PAK5: variants seen among roughly 807,000 people sequenced by gnomAD.
PAK5 encodes the protein p21 (RAC1) activated kinase 5, also known as serine/threonine-protein kinase PAK 5.
In PAK5, 16 loss-of-function variants were observed where a neutral mutation model predicts 65.9. The observed-to-expected ratio is 0.24, with a 90% CI of 0.16 to 0.37. The LOEUF is 0.37. Among genes scored for constraint, PAK5 ranks in the 10% least tolerant of loss-of-function variants. PAK5 has a pLI of 1.00. For synonymous variants in PAK5, 371 were observed against 354.9 expected (o/e 1.05, Z -0.51); for missense variants, 785 against 903.9 (o/e 0.87, Z 1.69).
At chr20:9,821,062 G>A (rs537323386) in intron 1 of PAK5, among the ~76,000 whole-genome samples, 1 of 152,118 alleles carries the variant, frequency 6.6e-6, no homozygotes, top group Non-Finnish European at 1.5e-5. Flanking sequence ...GTGCCCTCTG[G>A]TGTGTAAAAC....
At chr20:9,642,325 C>T (rs1250165948) in intron 3 of PAK5, among the ~76,000 whole-genome samples, 1 of 152,158 alleles carries the variant, frequency 6.6e-6, no homozygotes, top group Non-Finnish European at 1.5e-5. Context: ...CTGTTGTTTC[C>T]TGACTTTTTA....
rs113103262 is a variant in PAK5, at chr20:9,740,223, C to A, written c.-161-28788G>T. On this transcript the variant is annotated intron_variant, in intron 1 of 9. Transcript: ENST00000353224. ...GACTGCTGGCAGAGAACAAGGTGCTCGCACAACCGAAGGATTAGAAGGGAG... is the reference window on the plus strand; with the variant it reads ...GACTGCTGGCAGAGAACAAGGTGCTAGCACAACCGAAGGATTAGAAGGGAG... Among the ~76,000 whole-genome samples, 843 of 152,164 alleles carry A rather than the reference C, an allele frequency of 5.5e-3. 8 individuals are homozygous for A. The highest frequency in any genetic ancestry group is 0.018 in the African/African-American group (762 of 41,534).
At chr20:9,590,703 T>C (rs922951419) in intron 3 of PAK5, among the ~76,000 whole-genome samples, 1 of 151,818 alleles carries the variant, frequency 6.6e-6, no homozygotes, top group Non-Finnish European at 1.5e-5. Flanking sequence ...ACCACAGGCA[T>C]CACTTCGTTT....
intron 2 of PAK5, among the ~76,000 whole-genome samples, chr20:9,650,760 A>G (rs937655657): frequency 4.6e-5 from 7 of 152,080 alleles, no homozygotes; most frequent in African/African-American, 1.7e-4. Context: ...TGTGGGGCTT[A>G]TGGTCCCCAC....
intron 1 of PAK5, among the ~76,000 whole-genome samples, chr20:9,758,067 C>T (rs544575519): frequency 5.7e-4 from 87 of 152,312 alleles, no homozygotes; most frequent in African/African-American, 1.9e-3. Flanking sequence ...GGAGCTACTT[C>T]ATAGCCTTAT....
intron 2 of PAK5, among the ~76,000 whole-genome samples, chr20:9,690,730 A>ATTTC (rs1194218960): frequency 1.1e-3 from 155 of 138,292 alleles, no homozygotes; most frequent in South Asian, 1.9e-3. Context: ...AGTCCTCAGC[A>ATTTC]TTTCTTTCTT....
chr20:9,750,522 T>C (rs1480315054), intron 1 of PAK5, among the ~76,000 whole-genome samples: 1 of 152,200 alleles, frequency 6.6e-6, no homozygotes, highest in Non-Finnish European at 1.5e-5. Flanking sequence ...CATTATATGG[T>C]ACTCAAAATG....
Position 9,562,942 on chromosome 20 carries a change from A to G in PAK5, c.1565T>C (p.Val522Ala). Residue 522 changes from valine (V) to alanine (A), a missense_variant, in exon 6 of 10, where the codon GTC (valine) becomes GCC (alanine). Physicochemically the swap from Val to Ala is moderately conservative, Grantham distance 64 (BLOSUM62 0). This residue lies in a region of PAK5 where 182 missense variants were observed against 273.0 expected (regional missense o/e 0.67). Coordinates refer to ENST00000353224, the MANE Select transcript of PAK5 (RefSeq NM_177990.4). ...GGCACCACCTTCTAGAAACTCCATG[A>G]CCACCCAGAGCTCATCGCCGACAAG... The part of the protein sequence containing the change: ...SYLVGDELWV[V>A]MEFLEGGALT... 1 of 1,613,776 alleles carries G rather than the reference A, an allele frequency of 6.2e-7. No homozygotes were observed. The highest frequency in any genetic ancestry group is 8.5e-7 in the Non-Finnish European group (1 of 1,179,700).
At chr20:9,724,175 C>T (rs897410793) in intron 1 of PAK5, among the ~76,000 whole-genome samples, 20 of 152,182 alleles carry the variant, frequency 1.3e-4, no homozygotes, top group African/African-American at 4.8e-4. Context: ...CCCAGCTTGG[C>T]TGATCCAAAA....
intron 2 of PAK5, among the ~76,000 whole-genome samples, chr20:9,710,194 C>G (rs1028463340): frequency 2.0e-4 from 30 of 152,204 alleles, no homozygotes; most frequent in African/African-American, 6.7e-4. Flanking sequence ...CAACAATGTT[C>G]TTAGAAGTCA....
intron 2 of PAK5, among the ~76,000 whole-genome samples, chr20:9,691,251 A>C (rs964920658): frequency 2.6e-5 from 4 of 152,078 alleles, no homozygotes; most frequent in African/African-American, 9.7e-5. Flanking sequence ...CCAGGATAAA[A>C]CCCATAGAGT....
chr20:9,763,900 G>T (rs147830665), intron 1 of PAK5, among the ~76,000 whole-genome samples: 2 of 151,964 alleles, frequency 1.3e-5, no homozygotes, highest in Admixed American at 6.6e-5. Flanking sequence ...AAATATATGC[G>T]TATCCTTTTT....
chr20:9,688,039 T>C (rs1191437127), intron 2 of PAK5, among the ~76,000 whole-genome samples: 1 of 151,834 alleles, frequency 6.6e-6, no homozygotes, highest in Non-Finnish European at 1.5e-5. Flanking sequence ...GGGCAGGGAC[T>C]GGGATAAGGA....
chr20:9,620,643 C>A (rs981884126), intron 3 of PAK5, among the ~76,000 whole-genome samples: 2 of 152,218 alleles, frequency 1.3e-5, no homozygotes, highest in African/African-American at 4.8e-5. Flanking sequence ...ATATGGGGAC[C>A]CAAGACCGTG....
At chr20:9,666,614 G>C (rs2123352161) in intron 2 of PAK5, among the ~76,000 whole-genome samples, 1 of 152,098 alleles carries the variant, frequency 6.6e-6, no homozygotes, top group East Asian at 1.9e-4. Context: ...CTTACTTCTG[G>C]CTACAATGTC....
At chr20:9,616,960 G>T (rs964362708) in intron 3 of PAK5, among the ~76,000 whole-genome samples, 1 of 152,042 alleles carries the variant, frequency 6.6e-6, no homozygotes, top group Non-Finnish European at 1.5e-5. Flanking sequence ...ACAAAAATAC[G>T]GATAATTGCA....
intron 4 of PAK5, among the ~76,000 whole-genome samples, chr20:9,568,045 C>G (rs1368430710): frequency 3.3e-5 from 5 of 152,134 alleles, no homozygotes; most frequent in African/African-American, 1.2e-4. Flanking sequence ...AGACGCTCAG[C>G]TATAGTGGAG....
At chr20:9,808,118 T>G (rs1445861449) in intron 1 of PAK5, among the ~76,000 whole-genome samples, 1 of 152,182 alleles carries the variant, frequency 6.6e-6, no homozygotes, top group Admixed American at 6.6e-5. Flanking sequence ...TGAAACTGAA[T>G]GTATTAGCAC....
intron 2 of PAK5, among the ~76,000 whole-genome samples, chr20:9,662,664 G>A (rs548860102): frequency 1.1e-4 from 16 of 152,162 alleles, no homozygotes; most frequent in Non-Finnish European, 1.9e-4. Flanking sequence ...CTGACCAGGA[G>A]CACCTGCACT....
Sources: gnomAD v4.1 joint callset for allele counts (sites outside exome capture counted in the v4.1 genomes callset) on GRCh38, gnomAD v4.1.1 for gene constraint, gnomAD v4.1.1 regional missense constraint, MANE v1.5 for transcripts, NCBI Gene and HGNC (gene_info 2026-07-23, HGNC 2026-07-21) for gene names.